Variants in ASIC2 observed in about 807,000 individuals in gnomAD.
ASIC2 encodes the protein acid-sensing ion channel 2.
A neutral mutation model predicts 57.3 loss-of-function variants in ASIC2; 25 were observed. The ratio of observed to expected loss-of-function variants is 0.44; its 90% CI spans 0.32 to 0.61. The LOEUF (loss-of-function observed/expected upper bound fraction) is 0.61, where lower values mean the gene tolerates loss of function less well. ASIC2 is among the 20% of genes least tolerant of loss of function. ASIC2 has a pLI of 0.06. For synonymous variants in ASIC2, 319 were observed against 307.5 expected, an observed-to-expected ratio of 1.04 and a Z score of -0.39; for missense variants, 641 against 738.1, an observed-to-expected ratio of 0.87 and a Z score of 1.52.
intron 1 of ASIC2, among the ~76,000 whole-genome samples, chr17:33,251,027 C>T (rs1010537601): frequency 2.6e-5 from 4 of 152,194 alleles, no homozygotes; most frequent in African/African-American, 9.7e-5. Context: ...TTGTTACTTT[C>T]CTGATGTCAA....
chr17:33,498,617 G>T (rs113869637), intron 1 of ASIC2, among the ~76,000 whole-genome samples: 1 of 152,012 alleles, frequency 6.6e-6, no homozygotes, highest in East Asian at 1.9e-4. Context: ...CTCGGGTGAA[G>T]ACTCAAGGAG....
intron 1 of ASIC2, among the ~76,000 whole-genome samples, chr17:33,589,012 G>A (rs940212171): frequency 6.6e-6 from 1 of 152,132 alleles, no homozygotes; most frequent in Non-Finnish European, 1.5e-5. Context: ...ATCACCACTG[G>A]GATCACAGTT....
At chr17:34,116,815 A>T (rs1168362427) in intron 1 of ASIC2, among the ~76,000 whole-genome samples, 3 of 152,036 alleles carry the variant, frequency 2.0e-5, no homozygotes, top group Non-Finnish European at 2.9e-5. Context: ...GACTCCAAAG[A>T]ATTCCTTCTG....
At chr17:34,107,290 C>T (rs1911096557) in intron 1 of ASIC2, among the ~76,000 whole-genome samples, 1 of 152,028 alleles carries the variant, frequency 6.6e-6, no homozygotes, top group South Asian at 2.1e-4. Context: ...TCACTTGAGT[C>T]CTGGAGTTTC....
intron 1 of ASIC2, among the ~76,000 whole-genome samples, chr17:33,354,848 C>A (rs1053982250): frequency 1.3e-5 from 2 of 152,140 alleles, no homozygotes; most frequent in Admixed American, 1.3e-4. Context: ...TTTACCATTG[C>A]CCTCTCCCCT....
chr17:33,995,232 T>G (rs1906120049), intron 1 of ASIC2, among the ~76,000 whole-genome samples: 1 of 152,314 alleles, frequency 6.6e-6, no homozygotes, highest in South Asian at 2.1e-4. Flanking sequence ...GAGACAACAA[T>G]GTCTTATTCA....
At chr17:33,349,226 A>T (rs943502392) in intron 1 of ASIC2, among the ~76,000 whole-genome samples, 4 of 152,232 alleles carry the variant, frequency 2.6e-5, no homozygotes, top group Admixed American at 6.5e-5. Context: ...ATTTTTATGT[A>T]AAATCATCCC....
intron 1 of ASIC2, among the ~76,000 whole-genome samples, chr17:33,663,072 G>C (rs1243920074): frequency 6.6e-6 from 1 of 152,182 alleles, no homozygotes; most frequent in Non-Finnish European, 1.5e-5. Context: ...CACACTGACG[G>C]AGAACTCAAT....
Position 33,977,926 on chromosome 17 carries a change from C to T in ASIC2, c.555+178052G>A, listed in dbSNP as rs540766794. Among the ~76,000 whole-genome samples, 15 of 152,282 alleles carry T rather than the reference C, an allele frequency of 9.9e-5. 1 individual carries two copies. The highest frequency in any genetic ancestry group is 3.6e-4 in the African/African-American group (15 of 41,560). On this transcript the variant is annotated intron_variant, in intron 1 of 9. Coordinates refer to the ASIC2 transcript ENST00000359872. ...ACGGTGTCTGCAGCTGCCTGCCTGG[C>T]ACATGGGTTCAAGCAGCCTTGCCAG...
Position 33,683,288 on chromosome 17 carries a change from G to A in ASIC2, c.555+472690C>T, listed in dbSNP as rs144251591. Among the ~76,000 whole-genome samples, 1,306 of 152,270 alleles carry A rather than the reference G, an allele frequency of 8.6e-3. 41 individuals carry two copies. In the East Asian group the frequency reaches 0.13, roughly 15 times the overall value. Reference sequence around the variant, plus strand: ...TCACCATGTTAACTAGGATGGTCTCGATCTCCTGACCTCGTGATCCACCCA... The same window carrying A: ...TCACCATGTTAACTAGGATGGTCTCAATCTCCTGACCTCGTGATCCACCCA... On this transcript the variant is annotated intron_variant, in intron 1 of 9. Transcript: ENST00000359872.
chr17:33,531,497 G>A (rs1915050624), intron 1 of ASIC2, among the ~76,000 whole-genome samples: 5 of 152,198 alleles, frequency 3.3e-5, no homozygotes, highest in Admixed American at 3.3e-4. Context: ...TGGGGGTTTA[G>A]GGCCAGATGG....
intron 1 of ASIC2, among the ~76,000 whole-genome samples, chr17:33,940,692 C>T: frequency 6.6e-6 from 1 of 152,204 alleles, no homozygotes; most frequent in East Asian, 1.9e-4. Flanking sequence ...ATAGTTATCT[C>T]TCACATAATC....
At chr17:33,117,876 TG>T (rs1439217115) in intron 1 of ASIC2, among the ~76,000 whole-genome samples, 1 of 151,866 alleles carries the variant, frequency 6.6e-6, no homozygotes, top group Non-Finnish European at 1.5e-5. Context: ...AATTGAAAAA[TG>T]GGGGTTTGGG....
chr17:33,664,147 C>CTGAT (rs1192779170), intron 1 of ASIC2, among the ~76,000 whole-genome samples: 1 of 152,182 alleles, frequency 6.6e-6, no homozygotes, highest in East Asian at 1.9e-4. Flanking sequence ...TGCAGTTGCC[C>CTGAT]TGATAGACTC....
At chr17:33,578,440 T>C (rs1418635499) in intron 1 of ASIC2, among the ~76,000 whole-genome samples, 1 of 152,194 alleles carries the variant, frequency 6.6e-6, no homozygotes, top group Non-Finnish European at 1.5e-5. Flanking sequence ...ACAGTATCAG[T>C]CATTTACACC....
chr17:33,525,811 AT>A (rs1411442030), intron 1 of ASIC2, among the ~76,000 whole-genome samples: 4 of 152,128 alleles, frequency 2.6e-5, no homozygotes, highest in Non-Finnish European at 5.9e-5. Flanking sequence ...ACTCCTATCC[AT>A]CCTTTGGAGC....
chr17:33,612,179 G>A (rs1401392515), intron 1 of ASIC2, among the ~76,000 whole-genome samples: 1 of 152,198 alleles, frequency 6.6e-6, no homozygotes, highest in Non-Finnish European at 1.5e-5. Flanking sequence ...GCTTTACTCA[G>A]TCTACTGGTT....
intron 1 of ASIC2, among the ~76,000 whole-genome samples, chr17:33,685,614 A>G (rs1908160674): frequency 1.3e-5 from 2 of 152,190 alleles, no homozygotes; most frequent in South Asian, 4.1e-4. Flanking sequence ...AGCCAACCTG[A>G]TAGGGATTGT....
At chr17:33,185,683 A>G (rs1247933120) in intron 1 of ASIC2, among the ~76,000 whole-genome samples, 1 of 152,226 alleles carries the variant, frequency 6.6e-6, no homozygotes, top group African/African-American at 2.4e-5. Flanking sequence ...AGAGATCTGC[A>G]GAAGGTCTCC....
Sources: gnomAD v4.1 joint callset for allele counts (sites outside exome capture counted in the v4.1 genomes callset) on GRCh38, gnomAD v4.1.1 for gene constraint, MANE v1.5 for transcripts, NCBI Gene and HGNC (gene_info 2026-07-23, HGNC 2026-07-21) for gene names.